The following SVEP1 variants were observed in gnomAD, a reference collection of about 807,000 sequenced individuals.
The protein encoded by SVEP1 is sushi, von Willebrand factor type A, EGF and pentraxin domain containing 1.
In SVEP1, 164 loss-of-function variants were observed where a neutral mutation model predicts 367.3. The observed-to-expected ratio is 0.45, with a 90% CI of 0.39 to 0.51. The LOEUF (loss-of-function observed/expected upper bound fraction) is 0.51, where lower values mean the gene tolerates loss of function less well. Ranked by LOEUF, SVEP1 falls within the 20% of genes least tolerant of loss-of-function variation. SVEP1 has a pLI of 0.00. For synonymous variants in SVEP1, 1,666 were observed against 1,611.6 expected (o/e 1.03, Z -0.81); for missense variants, 4,117 against 4,425.3 (o/e 0.93, Z 1.98).
chr9:110,467,131 A>C (rs17806765), intron 17 of SVEP1, among the ~76,000 whole-genome samples: 23,708 of 152,144 alleles, frequency 0.16, 2,158 homozygotes, highest in Admixed American at 0.2. Flanking sequence ...AAAGAAGCAC[A>C]CTTTTGAAAT....
At chr9:110,542,790 A>C (rs1337636572) in intron 3 of SVEP1, among the ~76,000 whole-genome samples, 1 of 117,960 alleles carries the variant, frequency 8.5e-6, no homozygotes, top group Non-Finnish European at 1.6e-5. Flanking sequence ...GCATTTTTTC[A>C]TGTGTCTGTT....
intron 2 of SVEP1, among the ~76,000 whole-genome samples, chr9:110,546,943 A>G (rs1457288823): frequency 6.6e-6 from 1 of 152,198 alleles, no homozygotes; most frequent in East Asian, 1.9e-4. Context: ...ATGGCCTAGA[A>G]TCACACAAAC....
chr9:110,517,679 G>A (rs544880278), intron 3 of SVEP1, among the ~76,000 whole-genome samples: 56 of 146,650 alleles, frequency 3.8e-4, no homozygotes, highest in African/African-American at 1.3e-3. Context: ...AGGCTAAGGC[G>A]CTGCAATGAG....
intron 5 of SVEP1, among the ~76,000 whole-genome samples, chr9:110,505,575 G>A (rs370209092): frequency 1.3e-5 from 2 of 152,044 alleles, no homozygotes; most frequent in African/African-American, 4.8e-5. Flanking sequence ...TGTCTCTGTT[G>A]CTCCTGATTG....
chr9:110,573,293 T>G (rs1490585340), intron 1 of SVEP1, among the ~76,000 whole-genome samples: 1 of 152,136 alleles, frequency 6.6e-6, no homozygotes, highest in South Asian at 2.1e-4. Context: ...CAAATCCTAG[T>G]GGCATCTCAC....
At position 110,451,277 on chromosome 9, in the gene SVEP1, G is replaced by T; in HGVS notation, c.3901+12C>A. On this transcript the variant is annotated intron_variant, in intron 23 of 47. Coordinates refer to ENST00000374469, the MANE Select transcript of SVEP1 (RefSeq NM_153366.4). ...ATTTTAAGACAACATAGGAAGACTG[G>T]AAACATCTTACCTACAAATCCTTTC... 6.2e-7 allele frequency: 1 copy of T among 1,601,724 alleles called. No homozygotes were observed. The highest frequency in any genetic ancestry group is 8.6e-7 in the Non-Finnish European group (1 of 1,168,974).
Position 110,389,599 on chromosome 9 carries a change from T to C in SVEP1, c.9823-12A>G. 6.2e-7 allele frequency: 1 copy of C among 1,613,226 alleles called. No individual in the cohort carries two copies. Among genetic ancestry groups the C allele is most frequent in the Non-Finnish European group, 8.5e-7 (1 of 1,179,606 alleles). ...CGTTCCCTGTTCCCCTGTGAAACAA[T>C]GGAGAAAGGTCATCAAGATCATAAC... On this transcript the variant is annotated splice_polypyrimidine_tract_variant and intron_variant, in intron 40 of 47. Transcript: ENST00000374469.
At chr9:110,366,751 T>G (rs1204008983) in intron 47 of SVEP1, among the ~76,000 whole-genome samples, 191 bp from the exon 48 acceptor site, 1 of 152,342 alleles carries the variant, frequency 6.6e-6, no homozygotes, top group Non-Finnish European at 1.5e-5. Context: ...TGCTAACTTA[T>G]GGAAAGATCT....
At chr9:110,457,541 A>G (rs923723448) in intron 20 of SVEP1, among the ~76,000 whole-genome samples, 189 bp from the exon 21 acceptor site, 8 of 152,198 alleles carry the variant, frequency 5.3e-5, no homozygotes, top group African/African-American at 1.9e-4. Flanking sequence ...AATGATATAT[A>G]TCATTCTTGG....
At chr9:110,385,855 T>C in intron 43 of SVEP1, 43 bp downstream of exon 43, 1 of 1,582,262 alleles carries the variant, frequency 6.3e-7, no homozygotes, top group African/African-American at 1.3e-5. Flanking sequence ...TGGGAAAACA[T>C]TTCGCACTAG....
chr9:110,551,205 G>A (rs555903079), intron 1 of SVEP1, among the ~76,000 whole-genome samples: 5 of 152,302 alleles, frequency 3.3e-5, no homozygotes, highest in African/African-American at 4.8e-5. Flanking sequence ...TTTTTAAAAT[G>A]TTTGATACAA....
In SVEP1 at chr9:110,406,697, C is replaced by T. The variant is rs752460485; in HGVS notation, c.8903G>A (p.Gly2968Glu). ...AAAGCACTGATACTGTATATGGCCC[C>T]CATGAATAAAGGAAAAACCATTAGG... ...GFPNGFSFIH[G>E]GHIQYQCFPG... Residue 2968 changes from glycine (G) to glutamate (E), a missense_variant, in exon 38 of 48, where the codon GGG (glycine) becomes GAG (glutamate). By Grantham distance (98) the Gly-to-Glu change is moderately conservative (BLOSUM62 -2). Around this residue, in one of 4 missense-constraint regions of SVEP1, gnomAD observed 1,765 missense variants for 1,781.1 expected, o/e 0.99. Coordinates refer to ENST00000374469, the MANE Select transcript of SVEP1 (RefSeq NM_153366.4). The T allele has an allele frequency of 5.2e-5, 84 of 1,613,852 alleles. 3 individuals carry two copies. The South Asian group carries it at 8.9e-4, about 17-fold the overall frequency.
chr9:110,492,525 C>T (rs1336077487), intron 8 of SVEP1, among the ~76,000 whole-genome samples: 2 of 151,874 alleles, frequency 1.3e-5, no homozygotes, highest in Non-Finnish European at 2.9e-5. Context: ...ATATTCCTTC[C>T]ATATATAATT....
chr9:110,400,719 AGAGTAT>A lies in SVEP1; in HGVS notation c.9822+129_9822+134del, dbSNP rs1298614073. ...CCTTAAATATTTCTTGGAAAATGTT[AGAGTAT>A]AAGGGAACAAAGTATAATAGAATCT... On this transcript the variant is annotated intron_variant, in intron 40 of 47. Transcript: ENST00000374469. 4.1e-6 allele frequency: 4 copies of A among 967,946 alleles called. No individual in the cohort carries two copies. In the African/African-American group the frequency reaches 6.7e-5, roughly 16 times the overall value. 60.0% of individuals were successfully genotyped at this position (967,946 alleles called of 1,614,324 possible). A position where few individuals can be genotyped will look rare whatever the true frequency, so the allele number is the denominator to read the frequency against.
At chr9:110,445,135 G>A (rs1379195647) in intron 26 of SVEP1, among the ~76,000 whole-genome samples, 1 of 152,188 alleles carries the variant, frequency 6.6e-6, no homozygotes, top group Non-Finnish European at 1.5e-5. Flanking sequence ...GATTTCACAT[G>A]TTTAAAAAAG....
intron 35 of SVEP1, 129 bp from the exon 36 acceptor site, chr9:110,427,887 A>G (rs779159526): frequency 3.4e-5 from 37 of 1,095,734 alleles, no homozygotes; most frequent in Non-Finnish European, 3.9e-5. Flanking sequence ...GCATTTCTTC[A>G]TATTAGATTG....
rs771401427 is a variant in SVEP1, at chr9:110,459,115, T to C, written c.3323-2A>G. 3.0e-5 allele frequency: 48 copies of C among 1,613,188 alleles called. No individual in the cohort carries two copies. The highest frequency in any genetic ancestry group is 4.0e-5 in the Non-Finnish European group (47 of 1,179,446). ...AGAATTTTCCTTCTGGACAAGGAAC[T>C]GCAGAGGTAAAAACAAATCATATGT... is the stretch of plus-strand genomic sequence containing the variant. On this transcript the variant is annotated splice_acceptor_variant, in intron 18 of 47. Transcript: ENST00000374469. LOFTEE classifies it high-confidence loss of function.
In SVEP1 at chr9:110,472,189, A is replaced by G; in HGVS notation, c.2734T>C (p.Tyr912His). 1 of 1,612,412 alleles carries G rather than the reference A, an allele frequency of 6.2e-7. No homozygotes were observed. The highest frequency in any genetic ancestry group is 1.1e-5 in the South Asian group (1 of 90,616). Residue 912 changes from tyrosine (Y) to histidine (H), a missense_variant, in exon 15 of 48, where the codon TAT becomes CAT. Transcript: ENST00000374469. Reference protein sequence around the residue: ...RIKRSAPLSDYKIKLIFNITA... With the variant: ...RIKRSAPLSDHKIKLIFNITA... ...ATGTTAAAAATTAACTTAATTTTAT[A>G]GTCAGATAATGGGGCACTTCTTTTA... is the stretch of plus-strand genomic sequence containing the variant.
chr9:110,446,285 G>T (rs1828597329), intron 25 of SVEP1, among the ~76,000 whole-genome samples: 1 of 152,222 alleles, frequency 6.6e-6, no homozygotes, highest in African/African-American at 2.4e-5. Flanking sequence ...GGAAGTAGTT[G>T]GAAGGAGAGG....
Sources: allele counts gnomAD v4.1 joint callset (sites outside exome capture counted in the v4.1 genomes callset), GRCh38; gene constraint gnomAD v4.1.1; regional missense constraint gnomAD v4.1.1; transcripts MANE v1.5; gene names NCBI Gene and HGNC (gene_info 2026-07-23, HGNC 2026-07-21).